The following GPR89B variants were observed in gnomAD, a reference collection of about 807,000 sequenced individuals.
GPR89B encodes G protein-coupled receptor 89B.
A neutral mutation model predicts 52.4 loss-of-function variants in GPR89B; 25 were observed. The ratio of observed to expected loss-of-function variants is 0.48; its 90% CI spans 0.35 to 0.67. The LOEUF (loss-of-function observed/expected upper bound fraction) is 0.67. Ranked by LOEUF, GPR89B falls within the 30% of genes least tolerant of loss-of-function variation. The probability of loss-of-function intolerance (pLI) is 0.01; values close to 1 mark genes in which losing one functional copy is unlikely to be tolerated. For synonymous variants in GPR89B, 52 were observed against 151.2 expected, an observed-to-expected ratio of 0.34 and a Z score of 4.81; for missense variants, 146 against 450.2, an observed-to-expected ratio of 0.32 and a Z score of 6.11.
intron 10 of GPR89B, among the ~76,000 whole-genome samples, chr1:147,975,230 A>G (rs1657752552): frequency 1.5e-5 from 2 of 135,948 alleles, no homozygotes; most frequent in Admixed American, 1.5e-4. Flanking sequence ...GTTGTTTGGA[A>G]TAGTTGCAGA....
chr1:147,986,468 A>C (rs1487314373), intron 11 of GPR89B, among the ~76,000 whole-genome samples, 174 bp downstream of exon 11: 1 of 152,150 alleles, frequency 6.6e-6, no homozygotes, highest in African/African-American at 2.4e-5. Flanking sequence ...ATGTATTCAC[A>C]TGGAAAATTT....
At chr1:148,006,866 G>A in the GPR89B span, among the ~76,000 whole-genome samples, 3 of 148,862 alleles carry the variant, frequency 2.0e-5, no homozygotes, top group East Asian at 2.0e-4. Flanking sequence ...ACAGGCGCCT[G>A]CCACCGCGCC....
At position 147,986,445 on chromosome 1, in the gene GPR89B, T is replaced by A. The variant is rs1476664824; in HGVS notation, c.1005+151T>A. 53 of 654,906 alleles carry A rather than the reference T, an allele frequency of 8.1e-5. No homozygotes were observed. The Middle Eastern group carries it at 1.7e-3, about 21-fold the overall frequency. 40.6% of individuals were successfully genotyped at this position (654,906 alleles called of 1,614,324 possible). A position where few individuals can be genotyped will look rare whatever the true frequency, so the allele number is the denominator to read the frequency against. ...TATTTTGACGTATTCACATGGAAAA[T>A]TTTTATATTTTGATGTATTCACATG... On this transcript the variant is annotated intron_variant, in intron 11 of 13. Transcript: ENST00000314163.
intron 2 of GPR89B, among the ~76,000 whole-genome samples, chr1:147,938,257 CT>C (rs1553248314): frequency 6.6e-6 from 1 of 152,134 alleles, no homozygotes; most frequent in Non-Finnish European, 1.5e-5. Context: ...CTCCATTAAA[CT>C]TTCCCAGGGA....
At chr1:147,949,968 G>T (rs1655466525) in intron 5 of GPR89B, among the ~76,000 whole-genome samples, 1 of 141,730 alleles carries the variant, frequency 7.1e-6, no homozygotes, top group Non-Finnish European at 1.5e-5. Flanking sequence ...CTGGCCGGGT[G>T]TGGGGCTGAC....
intron 10 of GPR89B, among the ~76,000 whole-genome samples, chr1:147,970,491 A>AT (rs1219320826): frequency 4.7e-5 from 5 of 105,812 alleles, no homozygotes; most frequent in African/African-American, 1.4e-4. Flanking sequence ...GTGAGACTCC[A>AT]TCTCTCTCTC....
At chr1:147,946,299 G>C (rs587625978) in intron 5 of GPR89B, among the ~76,000 whole-genome samples, 3 of 152,250 alleles carry the variant, frequency 2.0e-5, no homozygotes, top group African/African-American at 7.2e-5. Context: ...TGTATCCCTA[G>C]TGCCTAGTGT....
At chr1:147,984,657 A>G (rs1658535191) in intron 10 of GPR89B, among the ~76,000 whole-genome samples, 1 of 150,246 alleles carries the variant, frequency 6.7e-6, no homozygotes, top group South Asian at 2.1e-4. Flanking sequence ...TTTTAATGCT[A>G]TACATTTCTT....
intron 5 of GPR89B, among the ~76,000 whole-genome samples, chr1:147,950,290 C>T (rs1437066659): frequency 6.7e-6 from 1 of 150,184 alleles, no homozygotes; most frequent in Non-Finnish European, 1.5e-5. Context: ...CCTCACATCC[C>T]AGACGGGGCG....
the GPR89B span, among the ~76,000 whole-genome samples, chr1:148,000,334 T>C: frequency 6.6e-6 from 1 of 151,564 alleles, no homozygotes; most frequent in Non-Finnish European, 1.5e-5. Context: ...TCTATTCAAG[T>C]TGATATTCAG....
At chr1:147,947,884 C>T (rs1316520686) in intron 5 of GPR89B, among the ~76,000 whole-genome samples, 2 of 151,804 alleles carry the variant, frequency 1.3e-5, no homozygotes, top group African/African-American at 4.8e-5. Flanking sequence ...AAGAGGTATA[C>T]GGCAAGTAGA....
chr1:147,934,237 C>A (rs1432401247), intron 1 of GPR89B, among the ~76,000 whole-genome samples: 15 of 151,710 alleles, frequency 9.9e-5, no homozygotes, highest in Non-Finnish European at 2.2e-4. Context: ...AATGCAGTGA[C>A]ATGCTCACAG....
chr1:148,010,708 T>C, the GPR89B span: 3 of 152,162 alleles, frequency 2.0e-5, no homozygotes. Context: ...AAAGATTACA[T>C]CATCAGTGAG....
intron 7 of GPR89B, among the ~76,000 whole-genome samples, chr1:147,958,638 C>CAAA (rs587655520): frequency 9.1e-6 from 1 of 109,688 alleles, no homozygotes. Context: ...GACTCTGTCT[C>CAAA]AAAAAAAAAA....
intron 3 of GPR89B, among the ~76,000 whole-genome samples, chr1:147,940,803 A>G (rs1481381052): frequency 2.0e-5 from 3 of 151,582 alleles, no homozygotes; most frequent in Non-Finnish European, 2.9e-5. Context: ...TTCTAAAGCT[A>G]TATTTACTGT....
chr1:147,957,692 A>G (rs1174163419), intron 7 of GPR89B, among the ~76,000 whole-genome samples: 2 of 151,578 alleles, frequency 1.3e-5, no homozygotes, highest in Admixed American at 1.3e-4. Context: ...GTATTTTCAC[A>G]TTTCATATTT....
chr1:147,936,269 C>T (rs587629490), intron 1 of GPR89B, among the ~76,000 whole-genome samples: 41 of 152,342 alleles, frequency 2.7e-4, no homozygotes, highest in African/African-American at 9.4e-4. Context: ...ACCTTGTCCT[C>T]CCGAAGTGCT....
chr1:148,004,886 A>AAC, the GPR89B span, among the ~76,000 whole-genome samples: 1 of 111,976 alleles, frequency 8.9e-6, no homozygotes, highest in Non-Finnish European at 1.9e-5. Flanking sequence ...ATCTCTACAA[A>AAC]ACACACACAC....
intron 7 of GPR89B, among the ~76,000 whole-genome samples, chr1:147,960,542 G>A (rs1656454990): frequency 6.6e-6 from 1 of 151,826 alleles, no homozygotes; most frequent in South Asian, 2.1e-4. Flanking sequence ...GAATTGAGAT[G>A]ACAGAAGAAT....
Sources: gnomAD v4.1 joint callset for allele counts (sites outside exome capture counted in the v4.1 genomes callset) on GRCh38, gnomAD v4.1.1 for gene constraint, MANE v1.5 for transcripts, NCBI Gene and HGNC (gene_info 2026-07-23, HGNC 2026-07-21) for gene names.